Variants in CNOT6L observed in about 807,000 individuals in gnomAD.
The protein encoded by CNOT6L is CCR4-NOT transcription complex subunit 6-like.
CNOT6L carries 7 observed loss-of-function variants against 64.0 expected under a neutral mutation model. That is an observed-to-expected ratio of 0.11 (90% CI 0.06 to 0.21). The LOEUF is 0.21. Among genes scored for constraint, CNOT6L ranks in the 10% least tolerant of loss-of-function variants. The pLI is 1.00. For synonymous variants in CNOT6L, 193 were observed against 243.4 expected, an observed-to-expected ratio of 0.79 and a Z score of 1.93; for missense variants, 245 against 669.0, an observed-to-expected ratio of 0.37 and a Z score of 6.99.
chr4:77,742,704 A>G (rs1723722851), intron 7 of CNOT6L, among the ~76,000 whole-genome samples: 1 of 152,220 alleles, frequency 6.6e-6, no homozygotes, highest in South Asian at 2.1e-4. Flanking sequence ...TATCCTTCTG[A>G]ACTATGGTGG....
intron 4 of CNOT6L, among the ~76,000 whole-genome samples, chr4:77,758,815 G>C (rs531086423): frequency 8.5e-5 from 13 of 152,250 alleles, no homozygotes; most frequent in Admixed American, 8.5e-4. Flanking sequence ...TCCAAAAGGG[G>C]GCAAGAGAAA....
chr4:77,813,562 A>G (rs79590657), intron 1 of CNOT6L, among the ~76,000 whole-genome samples: 207 of 152,290 alleles, frequency 1.4e-3, no homozygotes, highest in African/African-American at 4.7e-3. Flanking sequence ...TTACAACTCA[A>G]TAATTAAAAA....
chr4:77,804,388 C>G (rs1731976628), intron 1 of CNOT6L, among the ~76,000 whole-genome samples: 1 of 149,826 alleles, frequency 6.7e-6, no homozygotes, highest in Non-Finnish European at 1.5e-5. Context: ...GGTATCGTGC[C>G]ACTGCACTCC....
chr4:77,819,464 G>T (rs1222823188), upstream of CNOT6L: 4 of 1,489,100 alleles, frequency 2.7e-6, no homozygotes, highest in African/African-American at 2.8e-5. Context: ...CACCCACGGC[G>T]GGCCTCGCTC....
At chr4:77,787,359 C>T (rs1219646445) in intron 1 of CNOT6L, among the ~76,000 whole-genome samples, 1 of 152,176 alleles carries the variant, frequency 6.6e-6, no homozygotes, top group East Asian at 1.9e-4. Context: ...TACTCAACAA[C>T]ATTGCTTCTA....
chr4:77,779,046 C>CAAAAAAAAAAAAAA (rs747920305), intron 1 of CNOT6L, among the ~76,000 whole-genome samples: 16 of 67,092 alleles, frequency 2.4e-4, no homozygotes, highest in Middle Eastern at 8.9e-3. Flanking sequence ...GACTCTGTCT[C>CAAAAAAAAAAAAAA]AAAAAAAAAA....
chr4:77,764,185 A>C (rs1726553858), intron 4 of CNOT6L, among the ~76,000 whole-genome samples: 1 of 152,214 alleles, frequency 6.6e-6, no homozygotes, highest in Non-Finnish European at 1.5e-5. Flanking sequence ...TTAAAGGCAT[A>C]ATAATCTCCA....
intron 1 of CNOT6L, among the ~76,000 whole-genome samples, chr4:77,783,117 AGTGTTCATGACATCTCCAGCTCTGT>A (rs1304978277): frequency 1.5e-5 from 2 of 130,828 alleles, no homozygotes; most frequent in Non-Finnish European, 3.1e-5. Flanking sequence ...CTTAATTCCA[AGTGTTCATGACATCTCCAGCTCTGT>A]GACCACTCAA....
intron 8 of CNOT6L, among the ~76,000 whole-genome samples, chr4:77,736,847 T>C (rs921843325): frequency 2.0e-5 from 3 of 152,086 alleles, no homozygotes; most frequent in Non-Finnish European, 4.4e-5. Flanking sequence ...AAAGGTCAAA[T>C]GGATAAAAGA....
At chr4:77,786,343 T>C (rs1240920147) in intron 1 of CNOT6L, among the ~76,000 whole-genome samples, 1 of 151,790 alleles carries the variant, frequency 6.6e-6, no homozygotes, top group South Asian at 2.1e-4. Flanking sequence ...CTGAGCATAG[T>C]GGCTCACACC....
At chr4:77,806,003 C>T (rs1290287336) in intron 1 of CNOT6L, among the ~76,000 whole-genome samples, 5 of 152,200 alleles carry the variant, frequency 3.3e-5, no homozygotes, top group Non-Finnish European at 5.9e-5. Context: ...TTTTCTCATT[C>T]GTCTCTGACT....
At chr4:77,727,774 TAAGA>T (rs1347357711) in intron 10 of CNOT6L, among the ~76,000 whole-genome samples, 1 of 151,222 alleles carries the variant, frequency 6.6e-6, no homozygotes, top group Non-Finnish European at 1.5e-5. Context: ...TAATTCAACT[TAAGA>T]AAGGATTAAG....
At chr4:77,807,583 G>A (rs1036487155) in intron 1 of CNOT6L, among the ~76,000 whole-genome samples, 1 of 152,116 alleles carries the variant, frequency 6.6e-6, no homozygotes, top group Non-Finnish European at 1.5e-5. Flanking sequence ...AAATCAATGA[G>A]GTCATAAAGT....
chr4:77,797,291 T>C (rs1454013245), intron 1 of CNOT6L, among the ~76,000 whole-genome samples: 2 of 151,594 alleles, frequency 1.3e-5, no homozygotes, highest in Non-Finnish European at 2.9e-5. Context: ...ACAGTTTCAC[T>C]GCAGTTTGTA....
chr4:77,803,629 T>G (rs943094615), intron 1 of CNOT6L, among the ~76,000 whole-genome samples: 3 of 152,102 alleles, frequency 2.0e-5, no homozygotes, highest in African/African-American at 7.2e-5. Context: ...GTAGGGCAGG[T>G]GCGGTTGCTC....
rs1220129234 is a variant in CNOT6L, at chr4:77,802,290, AAGAGT to A, written c.5+17009_5+17013del. Among the ~76,000 whole-genome samples, 3 of 152,210 alleles carry A rather than the reference AAGAGT, an allele frequency of 2.0e-5. No individual in the cohort carries two copies. The East Asian group carries it at 5.8e-4, about 29-fold the overall frequency. On this transcript the variant is annotated intron_variant, in intron 1 of 11. Coordinates refer to ENST00000504123, the MANE Select transcript of CNOT6L (RefSeq NM_144571.3). ...CTCTTACCAGTATTCCAACAATAAG[AAGAGT>A]AGAGTTACAACTATTTCTCCCAAAT...
intron 8 of CNOT6L, among the ~76,000 whole-genome samples, chr4:77,737,205 C>T (rs6839504): frequency 0.79 from 119,638 of 151,976 alleles, 47,946 homozygotes; most frequent in Non-Finnish European, 0.86. Context: ...AACTCTGACC[C>T]TTTCTGGATC....
rs761736096 is a variant in CNOT6L, at chr4:77,819,108, G to A, written c.5+196C>T. 1.7e-5 allele frequency: 16 copies of A among 928,046 alleles called. No individual in the cohort carries two copies. The African/African-American group carries it at 1.8e-4, about 10-fold the overall frequency. 57.5% of individuals were successfully genotyped at this position (928,046 alleles called of 1,614,324 possible). ...CCTTCGCCCGCCTCTGAAGAGACGC[G>A]GGTCAGCCCCGCCGCCCCCTCCAGT... On this transcript the variant is annotated intron_variant, in intron 1 of 11. Transcript: ENST00000504123.
rs148197010 is a variant in CNOT6L, at chr4:77,757,671, C to T, written c.401-720G>A. ...AGGTTCTGTTAAATAACAAATCAAC[C>T]AAACCTTCAATGCAACACATACCCA... On this transcript the variant is annotated intron_variant, in intron 4 of 11. Coordinates refer to ENST00000504123, the MANE Select transcript of CNOT6L (RefSeq NM_144571.3). Among the ~76,000 whole-genome samples the T allele has an allele frequency of 4.9e-4, 74 of 152,172 alleles. No homozygotes were observed. In the East Asian group the frequency reaches 0.012, roughly 25 times the overall value.
Sources: gnomAD v4.1 joint callset for allele counts (sites outside exome capture counted in the v4.1 genomes callset) on GRCh38, gnomAD v4.1.1 for gene constraint, MANE v1.5 for transcripts, NCBI Gene and HGNC (gene_info 2026-07-23, HGNC 2026-07-21) for gene names.